The following EHD2 variants were observed in gnomAD, a reference collection of about 807,000 sequenced individuals.
EHD2 encodes EH domain containing 2.
Under a neutral mutation model 41.0 loss-of-function variants are expected in EHD2, and 27 were observed. That is an observed-to-expected ratio of 0.66 (90% CI 0.49 to 0.91). EHD2 has a LOEUF of 0.91. Among genes scored for constraint, EHD2 ranks in the 40% least tolerant of loss-of-function variants. The probability of loss-of-function intolerance (pLI) is 0.00; values close to 1 mark genes in which losing one functional copy is unlikely to be tolerated. For missense variants in EHD2, 673 were observed against 773.9 expected (o/e 0.87, Z 1.55); for synonymous variants, 342 against 341.0 (o/e 1.00, Z -0.03).
In EHD2 at chr19:47,726,199, T is replaced by C; in HGVS notation, c.890T>C (p.Leu297Pro). The change falls in exon 4 of 6, where the codon CTG becomes CCG. Residue 297 changes from leucine (L) to proline (P), a missense_variant. By Grantham distance (98) the Leu-to-Pro change is moderately conservative. Coordinates refer to ENST00000263277, the MANE Select transcript of EHD2 (RefSeq NM_014601.4). ...GCAGCCTTGCGCAAGCTCAACGACCTGGTGAAGAGGGCCCGGCTGGTGCGA... is the reference window on the plus strand; with the variant it reads ...GCAGCCTTGCGCAAGCTCAACGACCCGGTGAAGAGGGCCCGGCTGGTGCGA... The part of the protein sequence containing the change: ...RHAALRKLND[L>P]VKRARLVRVH... The C allele has an allele frequency of 6.5e-7, 1 of 1,541,116 alleles. No homozygotes were observed. The highest frequency in any genetic ancestry group is 8.7e-7 in the Non-Finnish European group (1 of 1,143,456).
chr19:47,734,190 C>T (rs1267990194), intron 4 of EHD2, among the ~76,000 whole-genome samples: 4 of 152,012 alleles, frequency 2.6e-5, no homozygotes, highest in Non-Finnish European at 4.4e-5. Flanking sequence ...AGGGGAGAGG[C>T]TGGGCGTAGT....
intron 5 of EHD2, among the ~76,000 whole-genome samples, chr19:47,739,106 C>A (rs1484102755): frequency 6.6e-6 from 1 of 151,632 alleles, no homozygotes; most frequent in Non-Finnish European, 1.5e-5. Context: ...CCCCTGCACA[C>A]TTTTTTGTTT....
intron 4 of EHD2, among the ~76,000 whole-genome samples, chr19:47,736,059 A>G (rs890582595): frequency 6.6e-6 from 1 of 151,606 alleles, no homozygotes; most frequent in Non-Finnish European, 1.5e-5. Context: ...AGCTGGGCAT[A>G]GTGGCGCATG....
At chr19:47,728,224 C>T (rs1568590841) in intron 4 of EHD2, among the ~76,000 whole-genome samples, 2 of 152,036 alleles carry the variant, frequency 1.3e-5, no homozygotes, top group Non-Finnish European at 2.9e-5. Flanking sequence ...CTGTCCTCAT[C>T]TCCCATTCCC....
intron 4 of EHD2, among the ~76,000 whole-genome samples, chr19:47,735,148 GCTGAGGGCGACACAGCT>G (rs1292240295): frequency 6.6e-6 from 1 of 152,232 alleles, no homozygotes; most frequent in Non-Finnish European, 1.5e-5. Context: ...GATGGGCACA[GCTGAGGGCGACACAGCT>G]CTGAGGGCTA....
At chr19:47,738,657 G>A (rs1410326514) in intron 5 of EHD2, among the ~76,000 whole-genome samples, 1 of 152,178 alleles carries the variant, frequency 6.6e-6, no homozygotes, top group Non-Finnish European at 1.5e-5. Flanking sequence ...CTGCCATACT[G>A]GACAGGCTAA....
intron 5 of EHD2, among the ~76,000 whole-genome samples, chr19:47,738,852 G>A (rs1966952069): frequency 6.6e-6 from 1 of 152,150 alleles, no homozygotes; most frequent in African/African-American, 2.4e-5. Context: ...TTTTCGCAGA[G>A]ACTGTCCTGG....
At chr19:47,723,664 A>AAG (rs1305588342) in intron 3 of EHD2, among the ~76,000 whole-genome samples, 1 of 148,026 alleles carries the variant, frequency 6.8e-6, no homozygotes, top group Admixed American at 6.8e-5. Context: ...AAAAAAAAAA[A>AAG]AAAAAAAAAG....
intron 1 of EHD2, among the ~76,000 whole-genome samples, chr19:47,714,578 G>A (rs1401012509): frequency 6.6e-6 from 1 of 152,130 alleles, no homozygotes; most frequent in Non-Finnish European, 1.5e-5. Context: ...TTGCTCCTGG[G>A]TTGGTCATGG....
At chr19:47,736,328 G>C (rs1568593293) in intron 4 of EHD2, 41 bp from the exon 5 acceptor site, 2 of 1,570,838 alleles carry the variant, frequency 1.3e-6, no homozygotes, top group Non-Finnish European at 1.7e-6. Context: ...AAGCTCCCTG[G>C]TGGACCCTGA....
intron 5 of EHD2, among the ~76,000 whole-genome samples, chr19:47,737,876 C>CTTTT (rs1226699986): frequency 3.0e-4 from 30 of 100,032 alleles, no homozygotes; most frequent in African/African-American, 3.7e-4. Flanking sequence ...GCCTGGCTAG[C>CTTTT]TTTTTTTTTT....
intron 1 of EHD2, among the ~76,000 whole-genome samples, chr19:47,715,886 G>A (rs1212583322): frequency 1.3e-5 from 2 of 151,972 alleles, no homozygotes; most frequent in Non-Finnish European, 2.9e-5. Flanking sequence ...TCCTGTCTCA[G>A]CCTCCCAAGT....
In EHD2 at chr19:47,716,538, GC is replaced by G; in HGVS notation, c.-55-17del. 1.4e-6 allele frequency: 2 copies of G among 1,432,306 alleles called. No homozygotes were observed. The highest frequency in any genetic ancestry group is 1.8e-6 in the Non-Finnish European group (2 of 1,094,020). The allele number at this position is 1,432,306 out of a possible 1,614,324, so 88.7% of individuals were successfully genotyped here. A position where few individuals can be genotyped will look rare whatever the true frequency, so the allele number is the denominator to read the frequency against. Reference sequence around the variant, plus strand: ...CCTTGGCTGGGCCGCCTATGCTCATGCCCTCTCCCCCTCCCACAGGCAGCTC... The same window carrying G: ...CCTTGGCTGGGCCGCCTATGCTCATGCCTCTCCCCCTCCCACAGGCAGCTC... On this transcript the variant is annotated intron_variant, in intron 1 of 5. Coordinates refer to ENST00000263277, the MANE Select transcript of EHD2 (RefSeq NM_014601.4).
chr19:47,732,402 A>G (rs1354979650), intron 4 of EHD2, among the ~76,000 whole-genome samples: 1 of 151,754 alleles, frequency 6.6e-6, no homozygotes, highest in Non-Finnish European at 1.5e-5. Context: ...TACAGGCGTG[A>G]GCCACCGCGC....
In EHD2 at chr19:47,740,909, A is replaced by C; in HGVS notation, c.1109A>C (p.Lys370Thr). ...CTGCTGATGGCGCACGACTTCACCA[A>C]GTTTCACTCGCTGAAGCCGAAGCTG... Reference protein sequence around the residue: ...QELLMAHDFTKFHSLKPKLLE... With the variant: ...QELLMAHDFTTFHSLKPKLLE... The change falls in exon 6 of 6, where the codon AAG (lysine) becomes ACG (threonine). Residue 370 changes from lysine (K) to threonine (T), a missense_variant. Transcript: ENST00000263277. 1 of 1,613,346 alleles carries C rather than the reference A, an allele frequency of 6.2e-7. No individual in the cohort carries two copies. Among genetic ancestry groups the C allele is most frequent in the Non-Finnish European group, 8.5e-7 (1 of 1,179,878 alleles).
At chr19:47,720,481 CTT>C (rs1004518991) in intron 3 of EHD2, among the ~76,000 whole-genome samples, 3 of 151,912 alleles carry the variant, frequency 2.0e-5, no homozygotes, top group African/African-American at 4.8e-5. Context: ...TGCTGGATGA[CTT>C]TGTGTGACTC....
rs1270193885 is a variant in EHD2 at position 47,741,693 on chromosome 19, G to GCATC, written c.*271_*274dup. On this transcript the variant is annotated 3_prime_UTR_variant, in exon 6 of 6. Coordinates refer to ENST00000263277, the MANE Select transcript of EHD2 (RefSeq NM_014601.4). This position sits in a 1 kb window ranked among gnomAD's most constrained non-coding sequence, Gnocchi z 4.5. ...ATCACACACACACTGGCACACGCAG[G>GCATC]CATCCATCCATCCGTCATTCATTCA... 3 of 632,808 alleles carry GCATC rather than the reference G, an allele frequency of 4.7e-6. No homozygotes were observed. The East Asian group carries it at 8.4e-5, about 18-fold the overall frequency. 39.2% of individuals were successfully genotyped at this position (632,808 alleles called of 1,614,324 possible).
chr19:47,736,939 G>T (rs1239519056), intron 5 of EHD2, among the ~76,000 whole-genome samples: 3 of 152,158 alleles, frequency 2.0e-5, no homozygotes, highest in African/African-American at 4.8e-5. Context: ...CCAGCAAGAA[G>T]TTGGGAAGGG....
chr19:47,726,384 T>C (rs1973752995), intron 4 of EHD2, 160 bp downstream of exon 4: 1 of 766,176 alleles, frequency 1.3e-6, no homozygotes, highest in Non-Finnish European at 1.9e-6. Flanking sequence ...AAGAACTGTA[T>C]GGAGAGACTC....
Sources: allele counts gnomAD v4.1 joint callset (sites outside exome capture counted in the v4.1 genomes callset), GRCh38; gene constraint gnomAD v4.1.1; non-coding constraint Gnocchi (gnomAD v3.1); transcripts MANE v1.5; gene names NCBI Gene and HGNC (gene_info 2026-07-23, HGNC 2026-07-21).